Variants in LRP1B observed in about 807,000 individuals in gnomAD.
The protein encoded by LRP1B is low-density lipoprotein receptor-related protein 1B.
In LRP1B, 217 loss-of-function variants were observed where a neutral mutation model predicts 556.6. The ratio of observed to expected loss-of-function variants is 0.39; its 90% CI spans 0.35 to 0.44. The LOEUF is 0.44. Ranked by LOEUF, LRP1B falls within the 20% of genes least tolerant of loss-of-function variation. The pLI is 1.00. For synonymous variants in LRP1B, 2,047 were observed against 1,865.8 expected (o/e 1.10, Z -2.50); for missense variants, 5,053 against 5,620.8 (o/e 0.90, Z 3.23).
chr2:141,517,718 T>C (rs1047362278), intron 2 of LRP1B, among the ~76,000 whole-genome samples: 3 of 152,140 alleles, frequency 2.0e-5, no homozygotes, highest in African/African-American at 4.8e-5. Context: ...TTAGTCAACA[T>C]AGGGAATCGT....
At chr2:141,104,241 T>G (rs1052661965) in intron 7 of LRP1B, among the ~76,000 whole-genome samples, 1 of 152,056 alleles carries the variant, frequency 6.6e-6, no homozygotes, top group Non-Finnish European at 1.5e-5. Flanking sequence ...ATGGCATATG[T>G]ATCCCCTGTA....
intron 86 of LRP1B, chr2:140,269,239 C>A (rs747776799): frequency 8.5e-6 from 4 of 469,492 alleles, no homozygotes; most frequent in Admixed American, 2.4e-5. Context: ...TCACACGAAG[C>A]GCAGCGATAA....
At chr2:141,045,221 G>T (rs1293279729) in intron 11 of LRP1B, among the ~76,000 whole-genome samples, 2 of 100,324 alleles carry the variant, frequency 2.0e-5, no homozygotes, top group Non-Finnish European at 3.9e-5. Flanking sequence ...ATTAAACAAT[G>T]AGATCACATG....
chr2:142,115,670 TG>T (rs1707214362), intron 1 of LRP1B, among the ~76,000 whole-genome samples: 3 of 7,828 alleles, frequency 3.8e-4, no homozygotes, highest in African/African-American at 1.2e-3. Context: ...AATATATATA[TG>T]TAATATATAT....
intron 2 of LRP1B, among the ~76,000 whole-genome samples, chr2:141,720,764 G>A (rs1444510461): frequency 6.6e-6 from 1 of 152,062 alleles, no homozygotes; most frequent in East Asian, 1.9e-4. Flanking sequence ...TCTACTAAAT[G>A]AGTCAACTTT....
chr2:142,021,597 A>G (rs75836911), intron 1 of LRP1B, among the ~76,000 whole-genome samples: 4,902 of 152,232 alleles, frequency 0.032, 85 homozygotes, highest in Non-Finnish European at 0.04. Flanking sequence ...AAGCTTTTAT[A>G]TATTTATTTG....
chr2:141,119,602 A>G lies in LRP1B; in HGVS notation c.1014-57329T>C, dbSNP rs144969807. ...TACTGGATCAAAGTACTTTAGTGAC[A>G]AAGGAAAAGCACATTGTCCTGAAGA... On this transcript the variant is annotated intron_variant, in intron 7 of 90. Coordinates refer to ENST00000389484, the MANE Select transcript of LRP1B (RefSeq NM_018557.3). 4.4e-3 allele frequency among the ~76,000 whole-genome samples: 663 copies of G among 152,018 alleles called. 9 individuals carry two copies. The highest frequency in any genetic ancestry group is 0.015 in the African/African-American group (630 of 41,540).
intron 3 of LRP1B, among the ~76,000 whole-genome samples, chr2:141,348,533 G>A (rs1688334746): frequency 2.0e-5 from 3 of 151,774 alleles, no homozygotes; most frequent in Admixed American, 6.6e-5. Context: ...TAATTAGATG[G>A]TTAAATAACT....
chr2:141,974,784 G>A (rs917510506), intron 1 of LRP1B, among the ~76,000 whole-genome samples: 1 of 152,006 alleles, frequency 6.6e-6, no homozygotes, highest in Non-Finnish European at 1.5e-5. Flanking sequence ...TCCAACCAAA[G>A]CAATTTGAAA....
intron 57 of LRP1B, among the ~76,000 whole-genome samples, chr2:140,491,384 T>C: frequency 1.3e-5 from 2 of 152,190 alleles, no homozygotes; most frequent in South Asian, 4.1e-4. Context: ...ACAGCTTATA[T>C]ATATATACAC....
intron 1 of LRP1B, among the ~76,000 whole-genome samples, chr2:141,877,318 A>G (rs1414385428): frequency 6.6e-6 from 1 of 151,950 alleles, no homozygotes; most frequent in Non-Finnish European, 1.5e-5. Context: ...ACTGGGTGCA[A>G]TTGTTGGGAA....
chr2:140,262,100 T>C (rs1681971531), intron 86 of LRP1B, among the ~76,000 whole-genome samples: 1 of 151,956 alleles, frequency 6.6e-6, no homozygotes, highest in Non-Finnish European at 1.5e-5. Flanking sequence ...ATGAAATATG[T>C]ACAAAAATAT....
rs550472502 is a variant in LRP1B, at chr2:141,013,710, G to A, written c.2226C>T (p.Phe742=). 18 of 1,598,120 alleles carry A rather than the reference G, an allele frequency of 1.1e-5. No individual in the cohort carries two copies. The highest frequency in any genetic ancestry group is 1.7e-4 in the Middle Eastern group (1 of 6,000). ...CATAATTTCCATGATGCGACAGTCC[G>A]AAAGGGTGGTTCAACTCTCTCCCAC... The part of the protein sequence containing the change: ...VYSGRELNHP[F]GLSHHGNYVF... Residue 742 remains phenylalanine (F), a synonymous_variant, in exon 14 of 91, where the codon TTC becomes TTT. Coordinates refer to ENST00000389484, the MANE Select transcript of LRP1B (RefSeq NM_018557.3).
At chr2:140,398,055 T>C (rs1223768931) in intron 66 of LRP1B, among the ~76,000 whole-genome samples, 1 of 152,184 alleles carries the variant, frequency 6.6e-6, no homozygotes, top group Non-Finnish European at 1.5e-5. Context: ...TTCATGTTTA[T>C]TTGGAGTTTG....
At chr2:141,296,351 C>T (rs1686182611) in intron 3 of LRP1B, among the ~76,000 whole-genome samples, 1 of 152,162 alleles carries the variant, frequency 6.6e-6, no homozygotes, top group Admixed American at 6.5e-5. Flanking sequence ...TAAGTATTTT[C>T]ATGATTTACA....
intron 86 of LRP1B, chr2:140,269,131 G>C (rs1182386345): frequency 2.6e-6 from 1 of 379,758 alleles, no homozygotes. Flanking sequence ...CAAAGGTTAA[G>C]TGTGTATGAC....
chr2:141,479,749 T>A (rs1339743246), intron 3 of LRP1B, among the ~76,000 whole-genome samples: 1 of 152,150 alleles, frequency 6.6e-6, no homozygotes, highest in Non-Finnish European at 1.5e-5. Flanking sequence ...CATCTCATGT[T>A]TCATTCTCCC....
At chr2:141,843,220 T>A (rs1697538487) in intron 1 of LRP1B, among the ~76,000 whole-genome samples, 1 of 152,136 alleles carries the variant, frequency 6.6e-6, no homozygotes, top group Non-Finnish European at 1.5e-5. Context: ...GATAGTAACC[T>A]TTGTGGCAAA....
rs2105462432 is a variant in LRP1B, at chr2:141,058,870, C to G, written c.1408+13G>C. On this transcript the variant is annotated intron_variant, in intron 9 of 90. Transcript: ENST00000389484. ...TACCATTAGGAAGGTAATAAAGAAG[C>G]TTTCCCACTTACCTGTTGGTTGAGT... The G allele has an allele frequency of 3.8e-6, 6 of 1,571,146 alleles. No individual in the cohort carries two copies. The highest frequency in any genetic ancestry group is 5.2e-6 in the Non-Finnish European group (6 of 1,161,240).
Sources: allele counts gnomAD v4.1 joint callset (sites outside exome capture counted in the v4.1 genomes callset), GRCh38; gene constraint gnomAD v4.1.1; transcripts MANE v1.5; gene names NCBI Gene and HGNC (gene_info 2026-07-23, HGNC 2026-07-21).